ADGRL3: variants seen among roughly 807,000 people sequenced by gnomAD.
The protein encoded by ADGRL3 is adhesion G protein-coupled receptor L3.
Under a neutral mutation model 153.5 loss-of-function variants are expected in ADGRL3, and 62 were observed. The observed-to-expected ratio is 0.40, with a 90% confidence interval of 0.33 to 0.50. The LOEUF is 0.50. Among genes scored for constraint, ADGRL3 ranks in the 20% least tolerant of loss-of-function variants. The probability of loss-of-function intolerance (pLI) is 0.47; values close to 1 mark genes in which losing one functional copy is unlikely to be tolerated. For missense variants in ADGRL3, 1,641 were observed against 1,859.4 expected (o/e 0.88, Z 2.16); for synonymous variants, 710 against 672.5 (o/e 1.06, Z -0.86).
intron 3 of ADGRL3, among the ~76,000 whole-genome samples, chr4:61,498,930 G>A (rs1328083727): frequency 6.6e-6 from 1 of 151,956 alleles, no homozygotes; most frequent in Non-Finnish European, 1.5e-5. Flanking sequence ...TTGTAATATA[G>A]TCACTCTCTC....
intron 21 of ADGRL3, among the ~76,000 whole-genome samples, chr4:62,004,543 A>T (rs1281412558): frequency 6.6e-6 from 1 of 151,944 alleles, no homozygotes; most frequent in Non-Finnish European, 1.5e-5. Flanking sequence ...ATATTAGCTT[A>T]TATCTCTATA....
At chr4:62,024,165 A>C (rs190265590) in intron 21 of ADGRL3, among the ~76,000 whole-genome samples, 1 of 152,136 alleles carries the variant, frequency 6.6e-6, no homozygotes, top group East Asian at 1.9e-4. Context: ...CTTATCTGTC[A>C]TTGATCTGAT....
At chr4:61,608,438 A>G (rs1331289136) in intron 5 of ADGRL3, among the ~76,000 whole-genome samples, 2 of 152,172 alleles carry the variant, frequency 1.3e-5, no homozygotes, top group East Asian at 3.8e-4. Context: ...TGAATTAAAA[A>G]CCAAACAAAA....
At chr4:61,872,048 G>T (rs1362707418) in intron 9 of ADGRL3, among the ~76,000 whole-genome samples, 2 of 152,120 alleles carry the variant, frequency 1.3e-5, no homozygotes, top group Non-Finnish European at 2.9e-5. Context: ...ATTTTTGTTT[G>T]TTTGATTGCT....
chr4:62,064,743 C>T (rs1286284911), intron 25 of ADGRL3, among the ~76,000 whole-genome samples: 3 of 151,576 alleles, frequency 2.0e-5, no homozygotes, highest in African/African-American at 7.3e-5. Context: ...GAGAATGTGC[C>T]ATTGCAGAAA....
intron 8 of ADGRL3, among the ~76,000 whole-genome samples, chr4:61,745,635 A>C (rs2096647118): frequency 6.6e-6 from 1 of 152,196 alleles, no homozygotes; most frequent in South Asian, 2.1e-4. Context: ...GGAGAAATAA[A>C]ATACTTTACA....
At chr4:61,865,083 G>A (rs1034180173) in intron 9 of ADGRL3, among the ~76,000 whole-genome samples, 2 of 152,022 alleles carry the variant, frequency 1.3e-5, no homozygotes, top group Non-Finnish European at 2.9e-5. Context: ...CTCGTCTCTC[G>A]CAGAATGAGA....
At chr4:61,564,510 C>T (rs1401732992) in intron 4 of ADGRL3, among the ~76,000 whole-genome samples, 2 of 152,182 alleles carry the variant, frequency 1.3e-5, no homozygotes, top group African/African-American at 4.8e-5. Flanking sequence ...TGGGCACCAG[C>T]AGTCTGGCTG....
chr4:62,007,356 TTATATA>T (rs71666906), intron 21 of ADGRL3, among the ~76,000 whole-genome samples: 1,114 of 30,920 alleles, frequency 0.036, 103 homozygotes, highest in African/African-American at 0.13. Flanking sequence ...GACAAAATGA[TTATATA>T]TATATATATA....
chr4:61,666,501 C>A, intron 5 of ADGRL3, among the ~76,000 whole-genome samples: 2 of 142,832 alleles, frequency 1.4e-5, no homozygotes, highest in African/African-American at 2.6e-5. Context: ...GAATGCCTTA[C>A]AGCACTCCAT....
At chr4:61,724,382 G>T (rs73823214) in intron 6 of ADGRL3, among the ~76,000 whole-genome samples, 3,256 of 152,248 alleles carry the variant, frequency 0.021, 75 homozygotes, top group East Asian at 0.078. Flanking sequence ...TCCATCAATG[G>T]CATGGAATGT....
At chr4:61,486,838 T>G (rs1161838941) in intron 2 of ADGRL3, among the ~76,000 whole-genome samples, 7 of 152,172 alleles carry the variant, frequency 4.6e-5, no homozygotes, top group South Asian at 4.1e-4. Context: ...AGATCATGGT[T>G]CTTGGTTACT....
At chr4:61,819,613 T>G (rs1440572332) in intron 9 of ADGRL3, among the ~76,000 whole-genome samples, 1 of 152,124 alleles carries the variant, frequency 6.6e-6, no homozygotes, top group Non-Finnish European at 1.5e-5. Context: ...TCATACTTAA[T>G]TTTCTGTTAT....
At chr4:61,207,010 A>AAATT (rs1329767700) in intron 1 of ADGRL3, among the ~76,000 whole-genome samples, 3 of 147,750 alleles carry the variant, frequency 2.0e-5, no homozygotes, top group African/African-American at 7.8e-5. Context: ...ATAAATAAAT[A>AAATT]AAATAAAATA....
At chr4:61,861,847 A>C (rs761957345) in intron 9 of ADGRL3, among the ~76,000 whole-genome samples, 4 of 152,120 alleles carry the variant, frequency 2.6e-5, no homozygotes, top group East Asian at 2.0e-4. Flanking sequence ...GATTACTTGA[A>C]GGCCCGCCCT....
At chr4:61,434,627 AT>A (rs779073291) in intron 2 of ADGRL3, among the ~76,000 whole-genome samples, 83 of 149,244 alleles carry the variant, frequency 5.6e-4, no homozygotes, top group Admixed American at 1.2e-3. Context: ...CCTGCTGACT[AT>A]TTTTAAAATG....
At chr4:61,345,997 C>A (rs573185648) in intron 1 of ADGRL3, among the ~76,000 whole-genome samples, 1 of 152,264 alleles carries the variant, frequency 6.6e-6, no homozygotes, top group African/African-American at 2.4e-5. Flanking sequence ...ATTTGTCAAA[C>A]CTTTTCAAGG....
At chr4:61,701,614 T>C (rs2095761848) in intron 6 of ADGRL3, among the ~76,000 whole-genome samples, 1 of 151,614 alleles carries the variant, frequency 6.6e-6, no homozygotes, top group Admixed American at 6.6e-5. Context: ...TTGTATTTTT[T>C]TTAGTAGAGA....
At chr4:61,333,364 T>C (rs763527684) in intron 1 of ADGRL3, among the ~76,000 whole-genome samples, 4 of 152,078 alleles carry the variant, frequency 2.6e-5, no homozygotes, top group Non-Finnish European at 5.9e-5. Context: ...TAGTGTTCTG[T>C]TTTTCAGTGT....
Sources: allele counts gnomAD v4.1 joint callset (sites outside exome capture counted in the v4.1 genomes callset), GRCh38; gene constraint gnomAD v4.1.1; transcripts MANE v1.5; gene names NCBI Gene and HGNC (gene_info 2026-07-23, HGNC 2026-07-21).